Variants in LAMA2 observed in about 807,000 individuals in gnomAD.
The protein encoded by LAMA2 is laminin subunit alpha 2.
In LAMA2, 269 loss-of-function variants were observed where a neutral mutation model predicts 364.8. The observed-to-expected ratio is 0.74, with a 90% CI of 0.67 to 0.82. The LOEUF (loss-of-function observed/expected upper bound fraction) is 0.82, where lower values mean the gene tolerates loss of function less well. LAMA2 is among the 40% of genes least tolerant of loss of function. The pLI is 0.00. For synonymous variants in LAMA2, 1,379 were observed against 1,370.6 expected (o/e 1.01, Z -0.14); for missense variants, 3,807 against 3,873.2 (o/e 0.98, Z 0.45).
At position 129,301,110 on chromosome 6, in the gene LAMA2, A is replaced by G. The variant is rs1773524120; in HGVS notation, c.3174+238A>G. The stretch of plus-strand genomic sequence containing the variant: ...ATCTACAAGAGGGGTAAAAAGAACA[A>G]AAATTCTGTAATAATACCAGAAAAG... On this transcript the variant is annotated intron_variant, in intron 22 of 64. Transcript: ENST00000421865. Among the ~76,000 whole-genome samples the G allele has an allele frequency of 1.3e-5, 2 of 152,170 alleles. 1 individual carries two copies. The highest frequency in any genetic ancestry group is 2.9e-5 in the Non-Finnish European group (2 of 68,008).
chr6:129,204,978 C>G (rs980762445), intron 12 of LAMA2, among the ~76,000 whole-genome samples: 3 of 152,106 alleles, frequency 2.0e-5, no homozygotes, highest in African/African-American at 7.2e-5. Context: ...TCATTGTCTT[C>G]TAACATATAG....
At chr6:129,342,632 T>G (rs911810799) in intron 30 of LAMA2, among the ~76,000 whole-genome samples, 165 bp downstream of exon 30, 5 of 152,184 alleles carry the variant, frequency 3.3e-5, no homozygotes, top group African/African-American at 1.2e-4. Context: ...TATATAATGC[T>G]CTATGGTTCA....
chr6:129,067,498 C>A (rs1171642902), intron 3 of LAMA2, among the ~76,000 whole-genome samples: 2 of 152,196 alleles, frequency 1.3e-5, no homozygotes, highest in Non-Finnish European at 2.9e-5. Context: ...CTTTGGTCTG[C>A]TTTCAACACA....
intron 1 of LAMA2, among the ~76,000 whole-genome samples, chr6:128,927,067 A>G (rs956268163): frequency 1.3e-4 from 20 of 152,176 alleles, no homozygotes; most frequent in African/African-American, 4.6e-4. Context: ...ATTCTAAAGG[A>G]CTGAGAATGA....
chr6:129,391,488 C>T lies in LAMA2; in HGVS notation c.5072-3C>T, dbSNP rs759155854. 2 of 1,612,446 alleles carry T rather than the reference C, an allele frequency of 1.2e-6. No homozygotes were observed. The highest frequency in any genetic ancestry group is 1.7e-5 in the Admixed American group (1 of 59,978). ...TTTACAAAATTTGTTTTACCCCCTG[C>T]AGCTGTAAATGAAAAAGCTATAAAA... On this transcript the variant is annotated splice_region_variant and splice_polypyrimidine_tract_variant and intron_variant, in intron 35 of 64. Transcript: ENST00000421865.
chr6:128,910,453 T>G (rs1777832271), intron 1 of LAMA2, among the ~76,000 whole-genome samples: 1 of 152,158 alleles, frequency 6.6e-6, no homozygotes, highest in Non-Finnish European at 1.5e-5. Flanking sequence ...TCTGCATTCT[T>G]CACGTAGTTC....
At chr6:129,224,513 A>ACATCC (rs1398242111) in intron 12 of LAMA2, among the ~76,000 whole-genome samples, 8 of 152,172 alleles carry the variant, frequency 5.3e-5, no homozygotes, top group African/African-American at 1.7e-4. Flanking sequence ...ATTTTGAGAT[A>ACATCC]CATCCCATCA....
chr6:129,502,582 A>G, intron 58 of LAMA2, 77 bp from the exon 59 acceptor site: 1 of 914,378 alleles, frequency 1.1e-6, no homozygotes, highest in Non-Finnish European at 1.8e-6. Flanking sequence ...AATATGTAAG[A>G]AACAATTAGA....
intron 8 of LAMA2, among the ~76,000 whole-genome samples, chr6:129,160,634 A>G (rs921034141): frequency 3.3e-5 from 5 of 151,502 alleles, no homozygotes; most frequent in African/African-American, 1.2e-4. Flanking sequence ...TTCTTTTTCT[A>G]CCTATCAATT....
Position 128,883,786 on chromosome 6 carries a change from TTATATATA to T in LAMA2, c.112+438_112+445del, listed in dbSNP as rs142294175. 7.6e-3 allele frequency among the ~76,000 whole-genome samples: 1,023 copies of T among 133,756 alleles called. 10 individuals carry two copies. Among genetic ancestry groups the T allele is most frequent in the African/African-American group, 0.022 (816 of 37,342 alleles). 87.7% of individuals were successfully genotyped at this position (133,756 alleles called of 152,430 possible). Reference sequence around the variant, plus strand: ...GGGTAGCTGATGCATCAAAAAAAAATTATATATATATATATACACACACACACACACAC... The same window carrying T: ...GGGTAGCTGATGCATCAAAAAAAAATTATATATACACACACACACACACAC... On this transcript the variant is annotated intron_variant, in intron 1 of 64. Transcript: ENST00000421865.
chr6:129,205,446 A>T (rs1782563998), intron 12 of LAMA2, among the ~76,000 whole-genome samples: 1 of 148,074 alleles, frequency 6.8e-6, no homozygotes, highest in African/African-American at 2.5e-5. Flanking sequence ...GCACAGTCTT[A>T]CATACTTCTC....
At chr6:129,236,478 C>A (rs1223959382) in intron 12 of LAMA2, among the ~76,000 whole-genome samples, 1 of 152,014 alleles carries the variant, frequency 6.6e-6, no homozygotes, top group Non-Finnish European at 1.5e-5. Flanking sequence ...TTAAGAGCAC[C>A]CCTTATAAAA....
At position 129,370,019 on chromosome 6, in the gene LAMA2, A is replaced by C. The variant is rs1172592415; in HGVS notation, c.4959+29A>C. The C allele has an allele frequency of 2.6e-6, 4 of 1,555,698 alleles. No individual in the cohort carries two copies. The African/African-American group carries it at 5.4e-5, about 21-fold the overall frequency. On this transcript the variant is annotated intron_variant, in intron 34 of 64. Coordinates refer to ENST00000421865, the MANE Select transcript of LAMA2 (RefSeq NM_000426.4). ...AGGTGGCAAAATTATGAATCTTCTG[A>C]AAGCAGATAGATTATGTCAATGAAG...
At chr6:129,444,331 T>C (rs1452427960) in intron 44 of LAMA2, among the ~76,000 whole-genome samples, 1 of 152,202 alleles carries the variant, frequency 6.6e-6, no homozygotes, top group African/African-American at 2.4e-5. Context: ...TAAATCTAAA[T>C]CATTTTGCCT....
chr6:129,477,647 A>G (rs1269331360), intron 53 of LAMA2, among the ~76,000 whole-genome samples: 1 of 152,194 alleles, frequency 6.6e-6, no homozygotes, highest in African/African-American at 2.4e-5. Context: ...TAGTTTGAGT[A>G]TAAAAGTCAT....
chr6:129,412,429 A>G (rs145183953), intron 40 of LAMA2, among the ~76,000 whole-genome samples: 107 of 152,296 alleles, frequency 7.0e-4, no homozygotes, highest in African/African-American at 2.5e-3. Context: ...ACCAAGTACC[A>G]TAGCCTAGCC....
intron 10 of LAMA2, among the ~76,000 whole-genome samples, chr6:129,183,485 C>A (rs1218176472): frequency 2.0e-5 from 3 of 151,868 alleles, no homozygotes; most frequent in Admixed American, 1.3e-4. Flanking sequence ...TCCTTACAGG[C>A]CCACGAGACT....
Position 128,930,855 on chromosome 6 carries a change from C to T in LAMA2, c.112+47498C>T, listed in dbSNP as rs560960615. Among the ~76,000 whole-genome samples the T allele has an allele frequency of 4.6e-5, 7 of 152,306 alleles. No homozygotes were observed. The South Asian group carries it at 1.0e-3, about 23-fold the overall frequency. On this transcript the variant is annotated intron_variant, in intron 1 of 64. Coordinates refer to ENST00000421865, the MANE Select transcript of LAMA2 (RefSeq NM_000426.4). ...CTTTCAAGACCATCACAGTGTGCAT[C>T]TCAACTTCCTTTTAAAACACCCACG...
rs565537823 is a variant in LAMA2 at position 129,260,621 on chromosome 6, T to C, written c.2097-90T>C. ...TTTCTCAGCATGCATAATTGGCTTA[T>C]ATTTATGTCATTGTTGCTGTACGAT... is the stretch of plus-strand genomic sequence containing the variant. On this transcript the variant is annotated intron_variant, in intron 14 of 64. Transcript: ENST00000421865. The C allele has an allele frequency of 8.4e-6, 7 of 834,670 alleles. No individual in the cohort carries two copies. The African/African-American group carries it at 1.2e-4, about 14-fold the overall frequency. 51.7% of individuals were successfully genotyped at this position (834,670 alleles called of 1,614,324 possible).
Sources: gnomAD v4.1 joint callset for allele counts (sites outside exome capture counted in the v4.1 genomes callset) on GRCh38, gnomAD v4.1.1 for gene constraint, MANE v1.5 for transcripts, NCBI Gene and HGNC (gene_info 2026-07-23, HGNC 2026-07-21) for gene names.